KNTC1: variants seen among roughly 807,000 people sequenced by gnomAD.
The protein encoded by KNTC1 is kinetochore associated 1, also known as kinetochore-associated protein 1.
A neutral mutation model predicts 314.4 loss-of-function variants in KNTC1; 253 were observed. The observed-to-expected ratio is 0.80, with a 90% confidence interval of 0.73 to 0.89. KNTC1 has a LOEUF of 0.89. Ranked by LOEUF, KNTC1 falls within the 40% of genes least tolerant of loss-of-function variation. The probability of loss-of-function intolerance (pLI) is 0.00; values close to 1 mark genes in which losing one functional copy is unlikely to be tolerated. For missense variants in KNTC1, 2,475 were observed against 2,572.9 expected (o/e 0.96, Z 0.82); for synonymous variants, 901 against 901.4 (o/e 1.00, Z 0.01).
intron 3 of KNTC1, among the ~76,000 whole-genome samples, chr12:122,537,191 A>T (rs1426887250): frequency 2.0e-5 from 3 of 152,030 alleles, no homozygotes; most frequent in African/African-American, 7.2e-5. Flanking sequence ...CCACTCCATG[A>T]TCTTTCCTTG....
In KNTC1 at chr12:122,571,025, G is replaced by A. The variant is rs1176476980; in HGVS notation, c.1918G>A (p.Ala640Thr). Reference sequence around the variant, plus strand: ...GAACTGTCTGTAATCTTTTTTAAAGGCAAATTGGCCAGAAAATGGACTTCA... The same window carrying A: ...GAACTGTCTGTAATCTTTTTTAAAGACAAATTGGCCAGAAAATGGACTTCA... Reference protein sequence around the residue: ...AARNLELTDKANWPENGLQLA... With the variant: ...AARNLELTDKTNWPENGLQLA... Residue 640 changes from alanine to threonine, a missense_variant and splice_region_variant, in exon 24 of 64, where the codon GCA becomes ACA. Ala to Thr is a moderately conservative substitution (Grantham distance 58). Transcript: ENST00000333479. The A allele has an allele frequency of 1.2e-6, 2 of 1,612,404 alleles. No homozygotes were observed. The highest frequency in any genetic ancestry group is 1.7e-5 in the Admixed American group (1 of 59,946).
Position 122,584,994 on chromosome 12 carries a change from A to G in KNTC1, c.3534+4A>G, listed in dbSNP as rs1174228415. ...TGACTGTGGAATCCTCATGAAAGTA[A>G]GTTACTTTTGAGTTTTTTCCCTTAA... On this transcript the variant is annotated splice_donor_region_variant and intron_variant, in intron 36 of 63. Transcript: ENST00000333479. The G allele has an allele frequency of 3.2e-6, 5 of 1,557,860 alleles. No individual in the cohort carries two copies. The highest frequency in any genetic ancestry group is 4.4e-6 in the Non-Finnish European group (5 of 1,131,948).
intron 22 of KNTC1, among the ~76,000 whole-genome samples, 183 bp downstream of exon 22, chr12:122,570,007 A>T (rs532122137): frequency 6.6e-6 from 1 of 152,350 alleles, no homozygotes; most frequent in Admixed American, 6.5e-5. Context: ...TTGCAACAAT[A>T]TAGATGGAAC....
intron 37 of KNTC1, among the ~76,000 whole-genome samples, chr12:122,586,240 G>A (rs1194378316): frequency 7.9e-5 from 12 of 152,018 alleles, no homozygotes; most frequent in African/African-American, 2.2e-4. Context: ...ATGCCACCAC[G>A]CCTGGCTAAT....
chr12:122,529,892 A>G (rs1215419804), intron 1 of KNTC1, 99 bp from the exon 2 acceptor site: 4 of 573,516 alleles, frequency 7.0e-6, no homozygotes, highest in African/African-American at 5.7e-5. Flanking sequence ...AGCAATAACA[A>G]GAAGACTAAG....
chr12:122,594,241 G>T (rs750758477), intron 42 of KNTC1, 35 bp from the exon 43 acceptor site: 1 of 1,223,186 alleles, frequency 8.2e-7, no homozygotes, highest in Non-Finnish European at 1.2e-6. Context: ...AGTGTAGAGG[G>T]TTTTTTTGCT....
chr12:122,603,570 G>T (rs181390707), intron 48 of KNTC1, among the ~76,000 whole-genome samples: 1 of 151,640 alleles, frequency 6.6e-6, no homozygotes, highest in African/African-American at 2.4e-5. Flanking sequence ...TTGGCTCACC[G>T]CAACCTCCAC....
At chr12:122,565,256 A>ATTT (rs1565961780) in intron 20 of KNTC1, among the ~76,000 whole-genome samples, 2 of 135,342 alleles carry the variant, frequency 1.5e-5, no homozygotes, top group African/African-American at 5.4e-5. Flanking sequence ...TTTTTTTAAA[A>ATTT]AAAAAAAAAC....
In KNTC1 at chr12:122,527,277, G is replaced by C. The variant is rs1327564906; in HGVS notation, c.-148G>C. 1 of 226,864 alleles carries C rather than the reference G, an allele frequency of 4.4e-6. No homozygotes were observed. Among genetic ancestry groups the C allele is most frequent in the African/African-American group, 2.3e-5 (1 of 43,388 alleles). 14.1% of individuals were successfully genotyped at this position (226,864 alleles called of 1,614,324 possible). ...TTAAGCCTGTGGCATGGAACCTAAA[G>C]ACTAGAGGCGGTTGTGTGAGTCAGG... On this transcript the variant is annotated 5_prime_UTR_variant, in exon 1 of 64. Transcript: ENST00000333479.
chr12:122,587,451 T>C (rs761131452), intron 38 of KNTC1, among the ~76,000 whole-genome samples: 4 of 152,220 alleles, frequency 2.6e-5, no homozygotes, highest in African/African-American at 4.8e-5. Context: ...GTTTATAAAT[T>C]TTTATCTTTC....
rs370395166 is a variant in KNTC1 at position 122,575,915 on chromosome 12, G to A, written c.2586+16G>A. On this transcript the variant is annotated intron_variant, in intron 29 of 63. Coordinates refer to ENST00000333479, the MANE Select transcript of KNTC1 (RefSeq NM_014708.6). Reference sequence around the variant, plus strand: ...GGAAATAATGGTAAGTACACTCTTCGAAGAGTCTTTTTTCTCTTTCATTTC... The same window carrying A: ...GGAAATAATGGTAAGTACACTCTTCAAAGAGTCTTTTTTCTCTTTCATTTC... 1.5e-5 allele frequency: 24 copies of A among 1,581,718 alleles called. No individual in the cohort carries two copies. Among genetic ancestry groups the A allele is most frequent in the African/African-American group, 7.1e-5 (5 of 69,958 alleles).
Position 122,570,861 on chromosome 12 carries a change from A to G in KNTC1, c.1861-15A>G. On this transcript the variant is annotated splice_polypyrimidine_tract_variant and intron_variant, in intron 22 of 63. Coordinates refer to ENST00000333479, the MANE Select transcript of KNTC1 (RefSeq NM_014708.6). Reference sequence around the variant, plus strand: ...TTATCCATTAAGAATTTCATTTTTAAATAATCTATTTCAGATAATTCTTGC... The same window carrying G: ...TTATCCATTAAGAATTTCATTTTTAGATAATCTATTTCAGATAATTCTTGC... 6.7e-7 allele frequency: 1 copy of G among 1,497,620 alleles called. No individual in the cohort carries two copies. Among genetic ancestry groups the G allele is most frequent in the Non-Finnish European group, 9.1e-7 (1 of 1,102,424 alleles). 92.8% of individuals were successfully genotyped at this position (1,497,620 alleles called of 1,614,324 possible).
chr12:122,607,659 C>G (rs1304342274), intron 51 of KNTC1, among the ~76,000 whole-genome samples: 1 of 152,136 alleles, frequency 6.6e-6, no homozygotes, highest in Non-Finnish European at 1.5e-5. Flanking sequence ...TCCATAATTA[C>G]TATTTTTCCT....
intron 63 of KNTC1, among the ~76,000 whole-genome samples, chr12:122,625,262 G>T (rs1874898092): frequency 1.3e-5 from 2 of 152,208 alleles, no homozygotes; most frequent in South Asian, 4.1e-4. Context: ...AATTAGCCAG[G>T]CGTGGTGGCA....
chr12:122,590,265 A>G (rs1869996716), intron 40 of KNTC1, among the ~76,000 whole-genome samples: 1 of 152,096 alleles, frequency 6.6e-6, no homozygotes. Flanking sequence ...ATTTAGTTAC[A>G]TACATTATAG....
chr12:122,597,311 C>T (rs1369689201), intron 43 of KNTC1: 3 of 149,322 alleles, frequency 2.0e-5, no homozygotes, highest in South Asian at 3.3e-4. Flanking sequence ...TGCAGTGGTG[C>T]GATCTTGGCT....
chr12:122,626,108 G>A (rs932292825), intron 63 of KNTC1, 97 bp from the exon 64 acceptor site: 23 of 824,990 alleles, frequency 2.8e-5, no homozygotes, highest in African/African-American at 1.5e-4. Context: ...ATGTAGATTT[G>A]TATCACTTCA....
chr12:122,588,797 C>A lies in KNTC1; in HGVS notation c.3980C>A (p.Ala1327Asp). The change falls in exon 40 of 64, where the codon GCT (alanine) becomes GAT (aspartate). Residue 1327 changes from alanine (A) to aspartate (D), a missense_variant. Transcript: ENST00000333479. ...EKAVIFIREN[A>D]TTLLHKVFNC... is the part of the protein sequence containing the mutation. ...GCTGTTATATTTATCAGGGAAAATGCTACAACACTACTGCACAAAGTAAGT... is the reference window on the plus strand; with the variant it reads ...GCTGTTATATTTATCAGGGAAAATGATACAACACTACTGCACAAAGTAAGT... 1 of 1,550,026 alleles carries A rather than the reference C, an allele frequency of 6.5e-7. No homozygotes were observed. Among genetic ancestry groups the A allele is most frequent in the Admixed American group, 2.0e-5 (1 of 49,144 alleles).
intron 60 of KNTC1, among the ~76,000 whole-genome samples, chr12:122,621,237 G>A (rs190065347): frequency 1.3e-5 from 2 of 152,282 alleles, no homozygotes; most frequent in East Asian, 3.8e-4. Flanking sequence ...TTATAATAGA[G>A]AACAAGTAGA....
Sources: gnomAD v4.1 joint callset for allele counts (sites outside exome capture counted in the v4.1 genomes callset) on GRCh38, gnomAD v4.1.1 for gene constraint, MANE v1.5 for transcripts, NCBI Gene and HGNC (gene_info 2026-07-23, HGNC 2026-07-21) for gene names.